The following CYTH1 variants were observed in gnomAD, a reference collection of about 807,000 sequenced individuals.
CYTH1 encodes cytohesin 1.
In CYTH1, 18 loss-of-function variants were observed where a neutral mutation model predicts 61.8. The ratio of observed to expected loss-of-function variants is 0.29; its 90% CI spans 0.20 to 0.43. The LOEUF (loss-of-function observed/expected upper bound fraction) is 0.43. Ranked by LOEUF, CYTH1 falls within the 20% of genes least tolerant of loss-of-function variation. The probability of loss-of-function intolerance (pLI) is 1.00; values close to 1 mark genes in which losing one functional copy is unlikely to be tolerated. For missense variants in CYTH1, 336 were observed against 510.5 expected, an observed-to-expected ratio of 0.66 and a Z score of 3.29; for synonymous variants, 174 against 184.3, an observed-to-expected ratio of 0.94 and a Z score of 0.45.
intron 1 of CYTH1, among the ~76,000 whole-genome samples, chr17:78,741,096 G>A (rs1334818677): frequency 6.6e-6 from 1 of 152,182 alleles, no homozygotes; most frequent in African/African-American, 2.4e-5. Context: ...ACATTAAAAA[G>A]CACACATTAG....
At chr17:78,692,299 T>G in intron 11 of CYTH1, 118 bp downstream of exon 11, 1 of 1,012,686 alleles carries the variant, frequency 9.9e-7, no homozygotes, top group South Asian at 1.3e-5. Flanking sequence ...CTCTCCCCCA[T>G]CCCCCACAGA....
rs776909649 is a variant in CYTH1 at position 78,709,564 on chromosome 17, G to T, written c.105+86C>A. 5.7e-4 allele frequency: 798 copies of T among 1,403,446 alleles called. 2 individuals are homozygous for T. The highest frequency in any genetic ancestry group is 3.2e-3 in the Middle Eastern group (18 of 5,620). The allele number at this position is 1,403,446 out of a possible 1,614,324, so 86.9% of individuals were successfully genotyped here. A position where few individuals can be genotyped will look rare whatever the true frequency, so the allele number is the denominator to read the frequency against. On this transcript the variant is annotated intron_variant, in intron 2 of 13. Transcript: ENST00000446868. ...GGGCAGGTCAAAAGTGTCTTGAGGA[G>T]ACACTCTGCAAAGGACACCCTTTCA...
At chr17:78,758,702 G>A (rs1035237719) in intron 1 of CYTH1, among the ~76,000 whole-genome samples, 3 of 151,742 alleles carry the variant, frequency 2.0e-5, no homozygotes, top group East Asian at 1.9e-4. Context: ...AGTGAAACTC[G>A]AAACTCCATC....
chr17:78,770,642 CT>C (rs1202976406), intron 1 of CYTH1, among the ~76,000 whole-genome samples: 1 of 152,116 alleles, frequency 6.6e-6, no homozygotes, highest in African/African-American at 2.4e-5. Context: ...TGGTCTCGAT[CT>C]CTTGACTTTG....
chr17:78,745,180 T>C, intron 1 of CYTH1, among the ~76,000 whole-genome samples: 1 of 152,080 alleles, frequency 6.6e-6, no homozygotes, highest in East Asian at 1.9e-4. Flanking sequence ...CCTGGGAGCA[T>C]TGGGAAGACC....
At chr17:78,692,041 T>G in intron 11 of CYTH1, 2 of 175,326 alleles carry the variant, frequency 1.1e-5, no homozygotes, top group Non-Finnish European at 1.2e-5. Context: ...TAAATCACGA[T>G]TATTTCCTTT....
At chr17:78,715,671 A>C (rs1369426707) in intron 1 of CYTH1, among the ~76,000 whole-genome samples, 1 of 152,214 alleles carries the variant, frequency 6.6e-6, no homozygotes. Context: ...CAACTACAGG[A>C]AATCACAGAA....
Position 78,758,254 on chromosome 17 carries a change from G to A in CYTH1, c.22+23948C>T, listed in dbSNP as rs143399402. Among the ~76,000 whole-genome samples, 281 of 152,288 alleles carry A rather than the reference G, an allele frequency of 1.8e-3. 2 individuals carry two copies. Among genetic ancestry groups the A allele is most frequent in the African/African-American group, 5.9e-3 (247 of 41,562 alleles). On this transcript the variant is annotated intron_variant, in intron 1 of 13. Transcript: ENST00000446868. Reference sequence around the variant, plus strand: ...CATCTATATCATGCTGCCTTTGGCCGAGGCCCCAAGCATCCCTGCATGTCC... The same window carrying A: ...CATCTATATCATGCTGCCTTTGGCCAAGGCCCCAAGCATCCCTGCATGTCC...
Position 78,675,978 on chromosome 17 carries a change from C to A in CYTH1, c.*113G>T. 6.5e-7 allele frequency: 1 copy of A among 1,549,816 alleles called. No individual in the cohort carries two copies. The highest frequency in any genetic ancestry group is 1.2e-5 in the South Asian group (1 of 83,720). ...AAAGCTGAAGCTAGTCTCTAGGAAT[C>A]CAGGGCGGGGCCTGGCAGAGGACGC... On this transcript the variant is annotated 3_prime_UTR_variant, in exon 14 of 14. Transcript: ENST00000446868.
chr17:78,682,014 A>G (rs28537231), intron 11 of CYTH1, among the ~76,000 whole-genome samples: 1 of 151,910 alleles, frequency 6.6e-6, no homozygotes, highest in East Asian at 1.9e-4. Context: ...CTGCCTTTTG[A>G]CTGCTTGATT....
rs1006985882 is a variant in CYTH1, at chr17:78,684,690, TGC to T, written c.892-3650_892-3649del. ...ATTAGGTGAAGATATTTTGTGTGTG[TGC>T]AGAGAGATGGAGAAAAACAGGTTTT... On this transcript the variant is annotated intron_variant, in intron 11 of 13. Transcript: ENST00000446868. Among the ~76,000 whole-genome samples, 18 of 152,320 alleles carry T rather than the reference TGC, an allele frequency of 1.2e-4. 1 individual carries two copies. The highest frequency in any genetic ancestry group is 8.3e-4 in the South Asian group (4 of 4,830).
At chr17:78,774,144 G>A (rs1254065176) in intron 1 of CYTH1, among the ~76,000 whole-genome samples, 1 of 152,184 alleles carries the variant, frequency 6.6e-6, no homozygotes, top group Non-Finnish European at 1.5e-5. Flanking sequence ...ACATTGCTAA[G>A]AAAAGAGTAA....
chr17:78,739,688 C>G (rs2093334529), intron 1 of CYTH1, among the ~76,000 whole-genome samples: 1 of 152,154 alleles, frequency 6.6e-6, no homozygotes, highest in Non-Finnish European at 1.5e-5. Flanking sequence ...CAAGACCACT[C>G]TGGCTGTGGG....
In CYTH1 at chr17:78,773,535, A is replaced by C. The variant is rs377230459; in HGVS notation, c.22+8667T>G. Among the ~76,000 whole-genome samples, 706 of 152,122 alleles carry C rather than the reference A, an allele frequency of 4.6e-3. 1 individual carries two copies. The highest frequency in any genetic ancestry group is 0.016 in the African/African-American group (679 of 41,486). On this transcript the variant is annotated intron_variant, in intron 1 of 13. Coordinates refer to ENST00000446868, the MANE Select transcript of CYTH1 (RefSeq NM_004762.6). ...ATTCCGCTACTCAGGAGGCTGAGGC[A>C]CAAGAATTGCTTGAACCCGGGAGGC...
At chr17:78,721,325 G>A (rs1032417451) in intron 1 of CYTH1, among the ~76,000 whole-genome samples, 8 of 152,034 alleles carry the variant, frequency 5.3e-5, no homozygotes, top group African/African-American at 1.4e-4. Context: ...GCAAGACTCC[G>A]TCTCAAAAAA....
At chr17:78,781,817 GGACCCCAGC>G (rs2093519473) in intron 1 of CYTH1, among the ~76,000 whole-genome samples, 1 of 151,248 alleles carries the variant, frequency 6.6e-6, no homozygotes, top group African/African-American at 2.4e-5. Flanking sequence ...CCTGCCCCGG[GGACCCCAGC>G]GACCCCAACG....
intron 1 of CYTH1, chr17:78,736,765 A>G: frequency 2.6e-6 from 1 of 379,236 alleles, no homozygotes; most frequent in South Asian, 1.9e-5. Flanking sequence ...CTGTGCTTCC[A>G]GGAGAGCGGT....
intron 1 of CYTH1, among the ~76,000 whole-genome samples, chr17:78,773,892 GAA>G (rs1464881634): frequency 1.3e-5 from 2 of 152,096 alleles, no homozygotes; most frequent in Non-Finnish European, 1.5e-5. Flanking sequence ...TTATTTGATA[GAA>G]AAGAGTTAAC....
intron 1 of CYTH1, among the ~76,000 whole-genome samples, chr17:78,750,098 A>G (rs1057062298): frequency 1.3e-5 from 2 of 152,198 alleles, no homozygotes; most frequent in African/African-American, 2.4e-5. Context: ...GAGTGGCATC[A>G]GCTACGGGAA....
Sources: gnomAD v4.1 joint callset for allele counts (sites outside exome capture counted in the v4.1 genomes callset) on GRCh38, gnomAD v4.1.1 for gene constraint, MANE v1.5 for transcripts, NCBI Gene and HGNC (gene_info 2026-07-23, HGNC 2026-07-21) for gene names.